The following MFN1 variants were observed in gnomAD, a reference collection of about 807,000 sequenced individuals.
MFN1 encodes mitofusin 1.
A neutral mutation model predicts 92.4 loss-of-function variants in MFN1; 65 were observed. That is an observed-to-expected ratio of 0.70 (90% confidence interval 0.58 to 0.86). The LOEUF (loss-of-function observed/expected upper bound fraction) is 0.86. MFN1 is among the 40% of genes least tolerant of loss of function. The pLI, the probability that MFN1 is intolerant of heterozygous loss-of-function variation, is 0.00. For synonymous variants in MFN1, 297 were observed against 300.9 expected, an observed-to-expected ratio of 0.99 and a Z score of 0.13; for missense variants, 781 against 868.0, an observed-to-expected ratio of 0.90 and a Z score of 1.26.
intron 16 of MFN1, 62 bp from the exon 17 acceptor site, chr3:179,389,942 T>C (rs1190891938): frequency 6.8e-7 from 1 of 1,464,716 alleles, no homozygotes; most frequent in East Asian, 2.4e-5. Context: ...TATGTGAGCT[T>C]TAAATTAAAG....
intron 10 of MFN1, 168 bp from the exon 11 acceptor site, chr3:179,376,874 T>C (rs1713259377): frequency 1.8e-6 from 1 of 548,724 alleles, no homozygotes; most frequent in East Asian, 3.4e-5. Flanking sequence ...ATCATCTATA[T>C]AAAATACTTT....
At position 179,368,028 on chromosome 3, in the gene MFN1, C is replaced by T. The variant is rs1478044086; in HGVS notation, c.908-8C>T. The T allele has an allele frequency of 9.2e-6, 14 of 1,522,996 alleles. No homozygotes were observed. The highest frequency in any genetic ancestry group is 7.5e-5 in the Admixed American group (4 of 53,098). The allele number at this position is 1,522,996 out of a possible 1,614,324, so 94.3% of individuals were successfully genotyped here. On this transcript the variant is annotated splice_region_variant and splice_polypyrimidine_tract_variant and intron_variant, in intron 8 of 17. Transcript: ENST00000471841. Reference sequence around the variant, plus strand: ...CTAGGTTTTTAAATCTTTGCCTGTACGTTACAGGTGTGGCACTTGCTGAAG... The same window carrying T: ...CTAGGTTTTTAAATCTTTGCCTGTATGTTACAGGTGTGGCACTTGCTGAAG...
chr3:179,380,335 C>T (rs1250633115), intron 14 of MFN1, among the ~76,000 whole-genome samples: 5 of 152,184 alleles, frequency 3.3e-5, no homozygotes, highest in African/African-American at 1.2e-4. Context: ...ATGCAAAGAA[C>T]AGAATAACTG....
chr3:179,362,844 C>T (rs996575192), intron 5 of MFN1, among the ~76,000 whole-genome samples: 5 of 152,158 alleles, frequency 3.3e-5, no homozygotes, highest in African/African-American at 1.2e-4. Context: ...CACCTGGCTC[C>T]ATTTTGTTTT....
intron 3 of MFN1, among the ~76,000 whole-genome samples, chr3:179,352,357 A>G (rs1468494801): frequency 2.0e-5 from 3 of 152,218 alleles, no homozygotes; most frequent in Non-Finnish European, 2.9e-5. Flanking sequence ...TGATTATGTG[A>G]AAGTTTCAGA....
chr3:179,379,648 C>T (rs1713392359), intron 14 of MFN1, among the ~76,000 whole-genome samples: 1 of 152,164 alleles, frequency 6.6e-6, no homozygotes, highest in Non-Finnish European at 1.5e-5. Flanking sequence ...GCCACAGCAC[C>T]CAGGCTGTTT....
intron 1 of MFN1, among the ~76,000 whole-genome samples, chr3:179,348,520 C>T (rs894944663): frequency 6.6e-6 from 1 of 152,196 alleles, no homozygotes; most frequent in African/African-American, 2.4e-5. Flanking sequence ...TTGGCTTCGC[C>T]TCACTAACCC....
chr3:179,384,069 T>C (rs938953309), intron 14 of MFN1, among the ~76,000 whole-genome samples: 1 of 152,210 alleles, frequency 6.6e-6, no homozygotes, highest in African/African-American at 2.4e-5. Flanking sequence ...TGCAATCATA[T>C]AGAATGTGGC....
In MFN1 at chr3:179,365,234, TTA is replaced by T; in HGVS notation, c.753+11_753+12del. The T allele has an allele frequency of 1.3e-6, 2 of 1,489,046 alleles. No homozygotes were observed. The highest frequency in any genetic ancestry group is 1.5e-5 in the African/African-American group (1 of 68,460). The allele number at this position is 1,489,046 out of a possible 1,614,324, so 92.2% of individuals were successfully genotyped here. A position where few individuals can be genotyped will look rare whatever the true frequency, so the allele number is the denominator to read the frequency against. On this transcript the variant is annotated intron_variant, in intron 7 of 17. Coordinates refer to ENST00000471841, the MANE Select transcript of MFN1 (RefSeq NM_033540.3). ...CAGAATATATGGAAGACGTAAGTTG[TTA>T]TTTTTTTTTTTGTAGGTTTTGAAAT...
chr3:179,386,235 G>A (rs1713678726), intron 15 of MFN1, among the ~76,000 whole-genome samples, 198 bp from the exon 16 acceptor site: 1 of 152,132 alleles, frequency 6.6e-6, no homozygotes, highest in African/African-American at 2.4e-5. Flanking sequence ...AGCTTATAAA[G>A]CTCTCCCTCA....
intron 9 of MFN1, among the ~76,000 whole-genome samples, chr3:179,370,392 CTTTT>C (rs34938438): frequency 3.4e-5 from 3 of 88,066 alleles, no homozygotes; most frequent in Non-Finnish European, 6.2e-5. Flanking sequence ...TCACTAAGTT[CTTTT>C]TTTTTTTTTT....
chr3:179,367,662 C>T (rs967947835), intron 8 of MFN1, 70 bp downstream of exon 8: 15 of 1,336,174 alleles, frequency 1.1e-5, no homozygotes, highest in Middle Eastern at 2.6e-4. Context: ...CGGTGGCTCA[C>T]GCCTGTAATC....
In MFN1 at chr3:179,394,435, A is replaced by ATTT. The variant is rs1560204500; in HGVS notation, c.*2376_*2377insTTT. ...TTTTTTTTTTTTTTTTTTTTTTTTG[A>ATTT]GACGGAGTCTCGCTCTGTCGCCCAG... On this transcript the variant is annotated 3_prime_UTR_variant, in exon 18 of 18. Coordinates refer to ENST00000471841, the MANE Select transcript of MFN1 (RefSeq NM_033540.3). 723 of 49,206 alleles carry ATTT rather than the reference A, an allele frequency of 0.015. 3 individuals carry two copies. The highest frequency in any genetic ancestry group is 0.064 in the African/African-American group (687 of 10,740). The allele number at this position is 49,206 out of a possible 1,614,324, so 3.0% of individuals were successfully genotyped here. A position where few individuals can be genotyped will look rare whatever the true frequency, so the allele number is the denominator to read the frequency against.
rs528641935 is a variant in MFN1 at position 179,383,344 on chromosome 3, G to A, written c.1663-2225G>A. On this transcript the variant is annotated intron_variant, in intron 14 of 17. Coordinates refer to ENST00000471841, the MANE Select transcript of MFN1 (RefSeq NM_033540.3). ...ATAGGGAATCCTTTCCCCATTTCTT[G>A]TTTTTGTCAGGTTTGTCAAAGATCA... 6.5e-3 allele frequency among the ~76,000 whole-genome samples: 982 copies of A among 152,204 alleles called. 8 individuals are homozygous for A. Among genetic ancestry groups the A allele is most frequent in the African/African-American group, 0.023 (938 of 41,528 alleles).
chr3:179,353,456 C>A (rs1712233554), intron 3 of MFN1, among the ~76,000 whole-genome samples: 1 of 152,258 alleles, frequency 6.6e-6, no homozygotes, highest in African/African-American at 2.4e-5. Context: ...GAACCACTCA[C>A]CTCGGCCTCC....
intron 5 of MFN1, among the ~76,000 whole-genome samples, chr3:179,363,267 G>T (rs1430654832): frequency 1.3e-5 from 2 of 152,022 alleles, no homozygotes; most frequent in African/African-American, 4.8e-5. Flanking sequence ...GTATTTTTTG[G>T]TAGAGACGGG....
chr3:179,354,226 AG>A (rs911478836), intron 3 of MFN1, among the ~76,000 whole-genome samples: 1 of 152,228 alleles, frequency 6.6e-6, no homozygotes, highest in African/African-American at 2.4e-5. Flanking sequence ...AAGGTCCAAA[AG>A]CTCATTTCTT....
At chr3:179,384,854 C>T (rs1035826464) in intron 14 of MFN1, among the ~76,000 whole-genome samples, 2 of 151,516 alleles carry the variant, frequency 1.3e-5, no homozygotes, top group Admixed American at 6.6e-5. Context: ...TTTCTCTTGC[C>T]TGTGGCTGTG....
At position 179,386,469 on chromosome 3, in the gene MFN1, T is replaced by C. The variant is rs1713687823; in HGVS notation, c.1852T>C (p.Ser618Pro). The C allele has an allele frequency of 6.2e-7, 1 of 1,613,334 alleles. No homozygotes were observed. Among genetic ancestry groups the C allele is most frequent in the African/African-American group, 1.3e-5 (1 of 74,998 alleles). Reference protein sequence around the residue: ...KTIGWKLLSVSLTMYGALYLY... With the variant: ...KTIGWKLLSVPLTMYGALYLY... ...TATAGGCTGGAAACTCCTATCTGTTTCATTAACTATGTATGGAGCTTTGTA... is the reference window on the plus strand; with the variant it reads ...TATAGGCTGGAAACTCCTATCTGTTCCATTAACTATGTATGGAGCTTTGTA... The change falls in exon 16 of 18, where the codon TCA (serine) becomes CCA (proline). Residue 618 changes from serine to proline, a missense_variant. Transcript: ENST00000471841.
Sources: gnomAD v4.1 joint callset for allele counts (sites outside exome capture counted in the v4.1 genomes callset) on GRCh38, gnomAD v4.1.1 for gene constraint, MANE v1.5 for transcripts, NCBI Gene and HGNC (gene_info 2026-07-23, HGNC 2026-07-21) for gene names.